SCIMP: variants seen among roughly 807,000 people sequenced by gnomAD.
SCIMP encodes the protein SLP adapter and CSK-interacting membrane protein.
Under a neutral mutation model 22.0 loss-of-function variants are expected in SCIMP, and 18 were observed. The ratio of observed to expected loss-of-function variants is 0.82; its 90% confidence interval spans 0.56 to 1.21. The LOEUF is 1.21. SCIMP is among the 50% of genes most tolerant of loss of function. The pLI, the probability that SCIMP is intolerant of heterozygous loss-of-function variation, is 0.00. For missense variants in SCIMP, 155 were observed against 171.2 expected (o/e 0.91, Z 0.53); for synonymous variants, 53 against 62.2 (o/e 0.85, Z 0.70).
chr17:5,219,102 G>A (rs1235285437), intron 3 of SCIMP, among the ~76,000 whole-genome samples: 1 of 148,588 alleles, frequency 6.7e-6, no homozygotes, highest in South Asian at 2.2e-4. Flanking sequence ...GGCAGATCAC[G>A]AGGTTAGGAG....
At chr17:5,223,620 G>A (rs2074625108) in intron 1 of SCIMP, 164 bp from the exon 2 acceptor site, 4 of 628,162 alleles carry the variant, frequency 6.4e-6, no homozygotes, top group Non-Finnish European at 5.6e-6. Flanking sequence ...TCAGCTCTCA[G>A]CTCACTGCAA....
At chr17:5,222,970 A>C (rs879939454) in intron 2 of SCIMP, among the ~76,000 whole-genome samples, 1 of 152,100 alleles carries the variant, frequency 6.6e-6, no homozygotes, top group Non-Finnish European at 1.5e-5. Flanking sequence ...CAGCCGAGAC[A>C]GTTCTTAATA....
chr17:5,227,352 T>C (rs1343737962), intron 1 of SCIMP, among the ~76,000 whole-genome samples: 1 of 150,154 alleles, frequency 6.7e-6, no homozygotes, highest in Non-Finnish European at 1.5e-5. Context: ...TGTGGCGGCA[T>C]GTGCCTATAG....
In SCIMP at chr17:5,210,840, A is replaced by G. The variant is rs1386513734; in HGVS notation, c.399T>C (p.Asp133=). 1.9e-6 allele frequency: 3 copies of G among 1,611,292 alleles called. No individual in the cohort carries two copies. The highest frequency in any genetic ancestry group is 2.5e-6 in the Non-Finnish European group (3 of 1,179,422). ...SYIEPEDDYD[D]VEIPANTEKA... ...TTTCAGTATTTGCAGGGATTTCAAC[A>G]TCGTCATAGTCATCTTCAGGCTCAA... is the stretch of plus-strand genomic sequence containing the variant. The change falls in exon 5 of 5, where the codon GAT becomes GAC. Residue 133 remains aspartate, a synonymous_variant. Transcript: ENST00000574081.
Position 5,210,926 on chromosome 17 carries a change from C to T in SCIMP, c.313G>A (p.Ala105Thr), listed in dbSNP as rs374444572. 3.3e-5 allele frequency: 53 copies of T among 1,613,018 alleles called. No homozygotes were observed. The highest frequency in any genetic ancestry group is 1.6e-4 in the Middle Eastern group (1 of 6,078). Residue 105 changes from alanine (A) to threonine (T), a missense_variant, in exon 5 of 5, where the codon GCT (alanine) becomes ACT (threonine). By Grantham distance (58) the Ala-to-Thr change is moderately conservative. Coordinates refer to ENST00000574081, the MANE Select transcript of SCIMP (RefSeq NM_207103.3). Reference sequence around the variant, plus strand: ...ACTTTATTTACCAGTGAGTATGTAGCGGGCGGCTGACTTGGGGCTTCCTGT... The same window carrying T: ...ACTTTATTTACCAGTGAGTATGTAGTGGGCGGCTGACTTGGGGCTTCCTGT... ...SPQEAPSQPP[A>T]TYSLVNKVKN...
Position 5,221,295 on chromosome 17 carries a change from C to A in SCIMP, c.201G>T (p.Lys67Asn), listed in dbSNP as rs372732996. 1 of 1,612,846 alleles carries A rather than the reference C, an allele frequency of 6.2e-7. No homozygotes were observed. The highest frequency in any genetic ancestry group is 8.5e-7 in the Non-Finnish European group (1 of 1,178,834). The change falls in exon 3 of 5, where the codon AAG becomes AAT. Residue 67 changes from lysine to asparagine, a missense_variant. Coordinates refer to ENST00000574081, the MANE Select transcript of SCIMP (RefSeq NM_207103.3). Reference sequence around the variant, plus strand: ...GATTCCCCCCTACTTACTCATACATCTTTTCTTCATCTACTTGCTTGTGTT... The same window carrying A: ...GATTCCCCCCTACTTACTCATACATATTTTCTTCATCTACTTGCTTGTGTT... The part of the protein sequence containing the change: ...PLKHKQVDEE[K>N]MYENVLNESP...
intron 2 of SCIMP, 138 bp downstream of exon 2, chr17:5,223,193 TCA>T: frequency 2.4e-6 from 2 of 848,188 alleles, no homozygotes; most frequent in Non-Finnish European, 3.8e-6. Context: ...GGGTTAGGAC[TCA>T]AACCCAGAAT....
chr17:5,225,371 G>A (rs1350066933), intron 1 of SCIMP, among the ~76,000 whole-genome samples: 1 of 151,992 alleles, frequency 6.6e-6, no homozygotes, highest in Non-Finnish European at 1.5e-5. Context: ...AGGCTGAGGC[G>A]GGAGAATTGC....
At chr17:5,213,026 T>TTTTTTTTTTTTTTTTTTGTG in intron 4 of SCIMP, 1 of 596,524 alleles carries the variant, frequency 1.7e-6, no homozygotes, top group Non-Finnish European at 2.1e-6. Context: ...TGGTAACTTC[T>TTTTTTTTTTTTTTTTTTGTG]GAGCTGACAT....
At chr17:5,230,495 A>G (rs1306138280) in intron 1 of SCIMP, among the ~76,000 whole-genome samples, 1 of 152,126 alleles carries the variant, frequency 6.6e-6, no homozygotes, top group Non-Finnish European at 1.5e-5. Flanking sequence ...TGATGAGAAG[A>G]AGGGATGGAA....
rs376635804 is a variant in SCIMP at position 5,220,879 on chromosome 17, G to A, written c.209+408C>T. Reference sequence around the variant, plus strand: ...TTGAGACCAGCCTGGCCAACATGGCGAAACCCCATTTCTACTAAAAATACA... The same window carrying A: ...TTGAGACCAGCCTGGCCAACATGGCAAAACCCCATTTCTACTAAAAATACA... On this transcript the variant is annotated intron_variant, in intron 3 of 4. Transcript: ENST00000574081. 3.2e-3 allele frequency: 1,069 copies of A among 329,586 alleles called. 25 individuals are homozygous for A. Among genetic ancestry groups the A allele is most frequent in the South Asian group, 0.025 (1,040 of 40,854 alleles). 20.4% of individuals were successfully genotyped at this position (329,586 alleles called of 1,614,324 possible). A position where few individuals can be genotyped will look rare whatever the true frequency, so the allele number is the denominator to read the frequency against.
intron 1 of SCIMP, among the ~76,000 whole-genome samples, chr17:5,226,108 C>A (rs1434824341): frequency 6.6e-6 from 1 of 152,102 alleles, no homozygotes; most frequent in East Asian, 1.9e-4. Flanking sequence ...CTCTTTAGAG[C>A]GATAGAAATA....
intron 1 of SCIMP, among the ~76,000 whole-genome samples, chr17:5,225,174 G>A (rs1258948075): frequency 6.6e-6 from 1 of 152,094 alleles, no homozygotes; most frequent in African/African-American, 2.4e-5. Flanking sequence ...CAATAAAACT[G>A]CATAACACGG....
rs2144296603 is a variant in SCIMP, at chr17:5,209,809, A to G, written c.*992T>C. 6.6e-6 allele frequency: 1 copy of G among 152,316 alleles called. No individual in the cohort carries two copies. The highest frequency in any genetic ancestry group is 1.5e-5 in the Non-Finnish European group (1 of 68,052). The allele number at this position is 152,316 out of a possible 1,614,324, so 9.4% of individuals were successfully genotyped here. On this transcript the variant is annotated 3_prime_UTR_variant, in exon 5 of 5. Coordinates refer to ENST00000574081, the MANE Select transcript of SCIMP (RefSeq NM_207103.3). ...TGGCCCATCTCATTGGCTGCAGCAC[A>G]TCACAGTGGACCTTCTGCCTCCTCC...
At chr17:5,231,912 C>T (rs1255415903) in intron 1 of SCIMP, among the ~76,000 whole-genome samples, 2 of 152,142 alleles carry the variant, frequency 1.3e-5, no homozygotes, top group East Asian at 1.9e-4. Flanking sequence ...AAAAATTAGC[C>T]AGGCATGGTG....
chr17:5,234,851 T>G lies in SCIMP; in HGVS notation c.-96A>C, dbSNP rs2144359556. ...TCACTCACAGGCCTTCACCCACTGC[T>G]AGAGACAGTGAGCCCCATCCTGACC... is the stretch of plus-strand genomic sequence containing the variant. On this transcript the variant is annotated 5_prime_UTR_variant, in exon 1 of 5. Coordinates refer to ENST00000574081, the MANE Select transcript of SCIMP (RefSeq NM_207103.3). 1.3e-6 allele frequency: 2 copies of G among 1,553,134 alleles called. No homozygotes were observed. Among genetic ancestry groups the G allele is most frequent in the East Asian group, 4.8e-5 (2 of 41,928 alleles).
intron 1 of SCIMP, among the ~76,000 whole-genome samples, chr17:5,228,141 C>T (rs2074665677): frequency 6.6e-6 from 1 of 152,040 alleles, no homozygotes; most frequent in South Asian, 2.1e-4. Context: ...CACTGCACTC[C>T]AGCCTGGGCA....
In SCIMP at chr17:5,210,884, C is replaced by T. The variant is rs2074521427; in HGVS notation, c.355G>A (p.Val119Ile). The change falls in exon 5 of 5, where the codon GTT becomes ATT. Residue 119 changes from valine (V) to isoleucine (I), a missense_variant. Coordinates refer to ENST00000574081, the MANE Select transcript of SCIMP (RefSeq NM_207103.3). ...GGCTCAATGTAGCTTGGGATGGAAA[C>T]AGTCTTCTTATTTTTAACTTTATTT... ...LVNKVKNKKT[V>I]SIPSYIEPED... The T allele has an allele frequency of 2.5e-6, 4 of 1,614,122 alleles. No homozygotes were observed. Among genetic ancestry groups the T allele is most frequent in the South Asian group, 1.1e-5 (1 of 91,062 alleles).
At chr17:5,229,015 C>T (rs2074673486) in intron 1 of SCIMP, among the ~76,000 whole-genome samples, 1 of 152,246 alleles carries the variant, frequency 6.6e-6, no homozygotes, top group Non-Finnish European at 1.5e-5. Flanking sequence ...TCTGGACACG[C>T]GACCCTGGGC....
Sources: gnomAD v4.1 joint callset for allele counts (sites outside exome capture counted in the v4.1 genomes callset) on GRCh38, gnomAD v4.1.1 for gene constraint, MANE v1.5 for transcripts, NCBI Gene and HGNC (gene_info 2026-07-23, HGNC 2026-07-21) for gene names.